The following ARMH4 variants were observed in gnomAD, a reference collection of about 807,000 sequenced individuals.
ARMH4 encodes the protein armadillo like helical domain containing 4, also known as armadillo-like helical domain-containing protein 4.
In ARMH4, 49 loss-of-function variants were observed where a neutral mutation model predicts 61.9. The observed-to-expected ratio is 0.79, with a 90% confidence interval of 0.63 to 1.00. The LOEUF is 1.00. ARMH4 is among the 50% of genes least tolerant of loss of function. The pLI, the probability that ARMH4 is intolerant of heterozygous loss-of-function variation, is 0.00. For missense variants in ARMH4, 934 were observed against 930.0 expected (o/e 1.00, Z -0.06); for synonymous variants, 368 against 341.5 (o/e 1.08, Z -0.85).
At chr14:58,147,567 C>T (rs909043675) in intron 1 of ARMH4, among the ~76,000 whole-genome samples, 5 of 152,128 alleles carry the variant, frequency 3.3e-5, no homozygotes, top group Non-Finnish European at 7.3e-5. Flanking sequence ...CCCACCTCAG[C>T]CTCCCAAATT....
chr14:58,070,394 T>C (rs543134969), intron 5 of ARMH4, among the ~76,000 whole-genome samples: 4 of 152,198 alleles, frequency 2.6e-5, no homozygotes, highest in Admixed American at 1.3e-4. Flanking sequence ...TTTTTACAGA[T>C]GAAAACAGTA....
intron 3 of ARMH4, among the ~76,000 whole-genome samples, chr14:58,132,157 T>G (rs1035598445): frequency 6.6e-6 from 1 of 152,176 alleles, no homozygotes; most frequent in African/African-American, 2.4e-5. Context: ...GAATGTCAAT[T>G]TAAAAGCAGC....
chr14:58,124,075 G>A (rs1423055244), intron 4 of ARMH4, among the ~76,000 whole-genome samples: 2 of 152,226 alleles, frequency 1.3e-5, no homozygotes, highest in African/African-American at 2.4e-5. Context: ...CAACTAAGAG[G>A]GTTCCTTGGC....
chr14:58,138,207 A>C lies in ARMH4; in HGVS notation c.1152T>G (p.His384Gln). The stretch of plus-strand genomic sequence containing the variant: ...TGAAAGCAGGTGATCTCTCATTCCC[A>C]TGCGCTATTAGCAGGGCTGTGCCCG... ...THTGTALLIA[H>Q]GNERSPAFTD... The change falls in exon 2 of 8, where the codon CAT becomes CAG. Residue 384 changes from histidine to glutamine, a missense_variant. Transcript: ENST00000267485. The C allele has an allele frequency of 6.2e-7, 1 of 1,614,162 alleles. No homozygotes were observed.
chr14:58,012,665 G>A (rs1377125505), intron 5 of ARMH4, among the ~76,000 whole-genome samples: 2 of 152,154 alleles, frequency 1.3e-5, no homozygotes, highest in Non-Finnish European at 2.9e-5. Context: ...TTGGATGAAA[G>A]GCAAGAATAA....
intron 5 of ARMH4, among the ~76,000 whole-genome samples, chr14:58,031,370 T>C (rs1172485152): frequency 1.3e-5 from 2 of 152,206 alleles, no homozygotes; most frequent in East Asian, 1.9e-4. Flanking sequence ...CTTGAACCCA[T>C]TTACAAGTTT....
At chr14:58,088,604 G>A (rs542965039) in intron 5 of ARMH4, among the ~76,000 whole-genome samples, 25 of 152,220 alleles carry the variant, frequency 1.6e-4, no homozygotes, top group South Asian at 6.2e-4. Context: ...ACTCCCAGGC[G>A]TCTGGCAGAT....
chr14:58,090,429 G>A (rs1885518276), intron 5 of ARMH4, among the ~76,000 whole-genome samples: 1 of 152,096 alleles, frequency 6.6e-6, no homozygotes, highest in Non-Finnish European at 1.5e-5. Context: ...GACACACGTG[G>A]TAACTGCCCT....
At chr14:58,113,581 C>T (rs1886421888) in intron 4 of ARMH4, among the ~76,000 whole-genome samples, 1 of 152,080 alleles carries the variant, frequency 6.6e-6, no homozygotes, top group Non-Finnish European at 1.5e-5. Context: ...TCCTATCCCT[C>T]TGTTATCTCC....
intron 5 of ARMH4, among the ~76,000 whole-genome samples, chr14:58,021,643 T>C (rs1375307317): frequency 6.6e-6 from 1 of 152,092 alleles, no homozygotes; most frequent in Non-Finnish European, 1.5e-5. Context: ...AAATTATCCA[T>C]CACAGAGTGA....
intron 5 of ARMH4, among the ~76,000 whole-genome samples, chr14:58,014,819 A>T (rs1168963427): frequency 6.6e-6 from 1 of 152,190 alleles, no homozygotes; most frequent in Admixed American, 6.5e-5. Context: ...TGAAGAACAG[A>T]GGAGGAAAGC....
intron 5 of ARMH4, among the ~76,000 whole-genome samples, chr14:58,041,759 G>C (rs1566553437): frequency 6.6e-6 from 1 of 151,976 alleles, no homozygotes; most frequent in Non-Finnish European, 1.5e-5. Context: ...GATCTACCAA[G>C]CAAATGGAAA....
In ARMH4 at chr14:58,138,628, C is replaced by A. The variant is rs377405653; in HGVS notation, c.731G>T (p.Gly244Val). 1 of 1,614,112 alleles carries A rather than the reference C, an allele frequency of 6.2e-7. No individual in the cohort carries two copies. Among genetic ancestry groups the A allele is most frequent in the Non-Finnish European group, 8.5e-7 (1 of 1,180,002 alleles). ...TSFPGAESTA[G>V]SEPGSLTPDK... The stretch of plus-strand genomic sequence containing the variant: ...AGGGGTGAGGCTTCCAGGCTCACTG[C>A]CTGCTGTGGACTCAGCACCAGGAAA... Residue 244 changes from glycine to valine, a missense_variant, in exon 2 of 8, where the codon GGC (glycine) becomes GTC (valine). Physicochemically the swap from Gly to Val is moderately radical, Grantham distance 109. Transcript: ENST00000267485.
chr14:58,061,618 T>C (rs548126479), intron 5 of ARMH4, among the ~76,000 whole-genome samples: 1 of 152,332 alleles, frequency 6.6e-6, no homozygotes, highest in East Asian at 1.9e-4. Flanking sequence ...AACCACTGAA[T>C]GTAAAGGCTA....
chr14:58,040,184 G>A (rs372507707), intron 5 of ARMH4, among the ~76,000 whole-genome samples: 1 of 151,796 alleles, frequency 6.6e-6, no homozygotes, highest in East Asian at 1.9e-4. Context: ...CTTTTACTTT[G>A]GGTTCAAGGG....
intron 4 of ARMH4, among the ~76,000 whole-genome samples, chr14:58,111,313 AC>A (rs1429766538): frequency 2.0e-5 from 3 of 152,194 alleles, no homozygotes; most frequent in Non-Finnish European, 2.9e-5. Context: ...AAAAAAGAAA[AC>A]CATATCATCA....
chr14:58,096,441 T>C (rs1885750422), intron 5 of ARMH4, among the ~76,000 whole-genome samples: 1 of 152,200 alleles, frequency 6.6e-6, no homozygotes. Context: ...ATCAGGCAAC[T>C]GTACTCATAA....
intron 5 of ARMH4, among the ~76,000 whole-genome samples, chr14:58,024,933 C>G (rs1882971781): frequency 6.6e-6 from 1 of 152,050 alleles, no homozygotes; most frequent in South Asian, 2.1e-4. Context: ...AAAATTATTA[C>G]AGTAGTAACA....
chr14:58,109,655 A>G lies in ARMH4; in HGVS notation c.1832-12674T>C, dbSNP rs186693662. Among the ~76,000 whole-genome samples the G allele has an allele frequency of 2.6e-3, 392 of 152,320 alleles. 3 individuals are homozygous for G. The highest frequency in any genetic ancestry group is 2.0e-3 in the Non-Finnish European group (135 of 68,018). ...TTGCTCTTCCATATAAATTTTATCA[A>G]AAGTTTACTAAGCTGTTCTGAATTA... On this transcript the variant is annotated intron_variant, in intron 4 of 7. Coordinates refer to ENST00000267485, the MANE Select transcript of ARMH4 (RefSeq NM_001001872.4).
Sources: gnomAD v4.1 joint callset for allele counts (sites outside exome capture counted in the v4.1 genomes callset) on GRCh38, gnomAD v4.1.1 for gene constraint, MANE v1.5 for transcripts, NCBI Gene and HGNC (gene_info 2026-07-23, HGNC 2026-07-21) for gene names.